Variants in CDKL3 observed in about 807,000 individuals in gnomAD.
CDKL3 encodes cyclin dependent kinase like 3.
A neutral mutation model predicts 69.3 loss-of-function variants in CDKL3; 65 were observed. The ratio of observed to expected loss-of-function variants is 0.94; its 90% CI spans 0.77 to 1.15. The LOEUF is 1.15. CDKL3 is among the 50% of genes most tolerant of loss of function. The pLI is 0.00. For synonymous variants in CDKL3, 202 were observed against 221.6 expected (o/e 0.91, Z 0.79); for missense variants, 652 against 689.2 (o/e 0.95, Z 0.61).
At chr5:134,337,465 A>G (rs1028154765) in intron 4 of CDKL3, among the ~76,000 whole-genome samples, 7 of 152,160 alleles carry the variant, frequency 4.6e-5, no homozygotes, top group South Asian at 2.1e-4. Context: ...GACCGGAGAT[A>G]TTCCTATTGG....
At chr5:134,319,309 G>T in intron 6 of CDKL3, 49 bp downstream of exon 6, 2 of 1,411,718 alleles carry the variant, frequency 1.4e-6, no homozygotes, top group South Asian at 1.4e-5. Flanking sequence ...CAGCCTGGGC[G>T]ACAGAGCAAG....
chr5:134,369,330 C>T (rs1179121186), upstream of CDKL3, among the ~76,000 whole-genome samples: 5 of 152,158 alleles, frequency 3.3e-5, no homozygotes, highest in African/African-American at 7.2e-5. Flanking sequence ...GAATTCCTTA[C>T]CTCTATTGCC....
downstream of CDKL3, among the ~76,000 whole-genome samples, chr5:134,294,426 C>T (rs1765257250): frequency 6.6e-6 from 1 of 152,166 alleles, no homozygotes; most frequent in South Asian, 2.1e-4. Context: ...AAAATGCTTT[C>T]CCTCTGCTAC....
At chr5:134,289,237 T>C (rs1765018335) in intron 8 of CDKL3, among the ~76,000 whole-genome samples, 1 of 147,744 alleles carries the variant, frequency 6.8e-6, no homozygotes, top group Non-Finnish European at 1.5e-5. Context: ...ACACTTTCAA[T>C]AAATATTCTG....
intron 6 of CDKL3, among the ~76,000 whole-genome samples, chr5:134,315,322 T>C (rs969236817): frequency 6.6e-6 from 1 of 152,004 alleles, no homozygotes; most frequent in Admixed American, 6.6e-5. Flanking sequence ...AGTTGACAAA[T>C]AGGTTAAGGA....
intron 7 of CDKL3, 107 bp from the exon 8 acceptor site, chr5:134,308,834 T>C: frequency 1.1e-6 from 1 of 950,656 alleles, no homozygotes; most frequent in Non-Finnish European, 1.5e-6. Context: ...AGCTACAGCA[T>C]AAATAATGCT....
chr5:134,351,598 A>G (rs1753325642), intron 3 of CDKL3, among the ~76,000 whole-genome samples: 1 of 142,528 alleles, frequency 7.0e-6, no homozygotes, highest in South Asian at 2.2e-4. Context: ...GTAGTCCTAC[A>G]GCCTACAGTA....
chr5:134,301,409 C>G (rs775703268), intron 12 of CDKL3, among the ~76,000 whole-genome samples: 3 of 152,282 alleles, frequency 2.0e-5, no homozygotes, highest in Non-Finnish European at 2.9e-5. Context: ...AGTGAGAATA[C>G]ATCTAATAGT....
intron 8 of CDKL3, among the ~76,000 whole-genome samples, chr5:134,289,979 G>A (rs1209897653): frequency 2.6e-5 from 4 of 151,866 alleles, no homozygotes; most frequent in East Asian, 1.9e-4. Context: ...CCATTCATTC[G>A]TCACAGAGCA....
intron 4 of CDKL3, among the ~76,000 whole-genome samples, chr5:134,346,937 C>T (rs1752053311): frequency 6.6e-6 from 1 of 152,120 alleles, no homozygotes; most frequent in South Asian, 2.1e-4. Context: ...GCCAATTCAT[C>T]TTTAAAATTG....
At chr5:134,342,516 C>T (rs936537848) in intron 4 of CDKL3, among the ~76,000 whole-genome samples, 6 of 151,428 alleles carry the variant, frequency 4.0e-5, no homozygotes, top group East Asian at 1.9e-4. Context: ...AGGAGAATGG[C>T]GTGAACCTGG....
chr5:134,318,262 T>C (rs1433652803), intron 6 of CDKL3, among the ~76,000 whole-genome samples: 2 of 151,236 alleles, frequency 1.3e-5, no homozygotes, highest in African/African-American at 2.4e-5. Flanking sequence ...AAATAATAAA[T>C]AAAAATTTAA....
intron 3 of CDKL3, among the ~76,000 whole-genome samples, chr5:134,351,840 A>AAATTTTATTGTACAATT (rs1753380934): frequency 6.6e-6 from 1 of 152,182 alleles, no homozygotes; most frequent in African/African-American, 2.4e-5. Context: ...TAAAATATGT[A>AAATTTTATTGTACAATT]TACATTGTAA....
chr5:134,334,452 T>C (rs1341840037), intron 4 of CDKL3, among the ~76,000 whole-genome samples: 1 of 152,238 alleles, frequency 6.6e-6, no homozygotes, highest in Non-Finnish European at 1.5e-5. Flanking sequence ...GGGCACTTAG[T>C]GCTATAAATT....
intron 7 of CDKL3, among the ~76,000 whole-genome samples, chr5:134,310,188 TTTA>T (rs1383062592): frequency 4.6e-5 from 7 of 151,930 alleles, no homozygotes; most frequent in South Asian, 4.2e-4. Context: ...TATTTATTTA[TTTA>T]TTATTATTTT....
chr5:134,350,731 G>A (rs1304115956), intron 3 of CDKL3, among the ~76,000 whole-genome samples: 2 of 151,120 alleles, frequency 1.3e-5, no homozygotes, highest in Non-Finnish European at 2.9e-5. Flanking sequence ...TGTAAACCTA[G>A]TACTTTGGGA....
chr5:134,335,305 G>GCATTTAGCT (rs970678996), intron 4 of CDKL3, among the ~76,000 whole-genome samples: 1 of 152,012 alleles, frequency 6.6e-6, no homozygotes, highest in Non-Finnish European at 1.5e-5. Flanking sequence ...TTTAATTGGG[G>GCATTTAGCT]CATTTAGCTC....
At chr5:134,312,099 T>G (rs1374629814) in intron 7 of CDKL3, among the ~76,000 whole-genome samples, 193 bp downstream of exon 7, 4 of 152,168 alleles carry the variant, frequency 2.6e-5, no homozygotes, top group Admixed American at 2.6e-4. Flanking sequence ...CCCATCCTAT[T>G]ATTAGGCTTT....
At chr5:134,346,684 CG>C (rs1332013442) in intron 4 of CDKL3, among the ~76,000 whole-genome samples, 1 of 151,938 alleles carries the variant, frequency 6.6e-6, no homozygotes, top group East Asian at 1.9e-4. Flanking sequence ...TTAGTAGAGA[CG>C]GGGTTTCTCC....
Sources: allele counts gnomAD v4.1 joint callset (sites outside exome capture counted in the v4.1 genomes callset), GRCh38; gene constraint gnomAD v4.1.1; transcripts MANE v1.5; gene names NCBI Gene and HGNC (gene_info 2026-07-23, HGNC 2026-07-21).